CCBE1: variants seen among roughly 807,000 people sequenced by gnomAD.
CCBE1 encodes collagen and calcium binding EGF domains 1.
Under a neutral mutation model 50.0 loss-of-function variants are expected in CCBE1, and 37 were observed. The observed-to-expected ratio is 0.74, with a 90% CI of 0.57 to 0.97. CCBE1 has a LOEUF of 0.97. CCBE1 is among the 50% of genes least tolerant of loss of function. The probability of loss-of-function intolerance (pLI) is 0.00; values close to 1 mark genes in which losing one functional copy is unlikely to be tolerated. For missense variants in CCBE1, 538 were observed against 523.8 expected (o/e 1.03, Z -0.26); for synonymous variants, 234 against 203.7 (o/e 1.15, Z -1.27).
chr18:59,570,680 G>A lies in CCBE1; in HGVS notation c.213-90442C>T, dbSNP rs549351449. 4.3e-4 allele frequency among the ~76,000 whole-genome samples: 66 copies of A among 152,208 alleles called. 1 individual carries two copies. In the South Asian group the frequency reaches 0.013, roughly 30 times the overall value. On this transcript the variant is annotated intron_variant, in intron 2 of 10. Coordinates refer to ENST00000439986, the MANE Select transcript of CCBE1 (RefSeq NM_133459.4). ...AAGTCATCCTTGGAGATGTGCTGGCGGGGGTGGGGCAGGACCTCCCAAGGG... is the reference window on the plus strand; with the variant it reads ...AAGTCATCCTTGGAGATGTGCTGGCAGGGGTGGGGCAGGACCTCCCAAGGG...
At chr18:59,477,951 A>G (rs1193869713) in intron 3 of CCBE1, among the ~76,000 whole-genome samples, 1 of 152,196 alleles carries the variant, frequency 6.6e-6, no homozygotes, top group African/African-American at 2.4e-5. Flanking sequence ...ACATTATTCT[A>G]CGTGCTTCTG....
At chr18:59,486,763 T>C (rs372485159) in intron 2 of CCBE1, among the ~76,000 whole-genome samples, 2 of 152,038 alleles carry the variant, frequency 1.3e-5, no homozygotes, top group African/African-American at 4.8e-5. Context: ...CTTCCATCTT[T>C]CTCCCCAACC....
At chr18:59,576,413 C>T (rs568998908) in intron 2 of CCBE1, among the ~76,000 whole-genome samples, 3 of 152,150 alleles carry the variant, frequency 2.0e-5, no homozygotes, top group Non-Finnish European at 4.4e-5. Context: ...ACTTGACATT[C>T]AGGAAAATAT....
At chr18:59,548,706 C>T (rs1178217927) in intron 2 of CCBE1, among the ~76,000 whole-genome samples, 1 of 151,902 alleles carries the variant, frequency 6.6e-6, no homozygotes, top group South Asian at 2.1e-4. Context: ...AATCCCAGCA[C>T]TTTGGGAGGC....
At chr18:59,610,702 C>G (rs1401486214) in intron 2 of CCBE1, among the ~76,000 whole-genome samples, 1 of 152,214 alleles carries the variant, frequency 6.6e-6, no homozygotes, top group Non-Finnish European at 1.5e-5. Context: ...CCTAAGTGGG[C>G]TCCAGAGTTC....
At chr18:59,467,343 T>G (rs961040180) in intron 4 of CCBE1, among the ~76,000 whole-genome samples, 1 of 152,204 alleles carries the variant, frequency 6.6e-6, no homozygotes, top group South Asian at 2.1e-4. Context: ...CTTTATGGTA[T>G]AGGTTCCAAA....
intron 3 of CCBE1, among the ~76,000 whole-genome samples, chr18:59,479,008 C>T (rs984072063): frequency 1.3e-5 from 2 of 152,194 alleles, no homozygotes; most frequent in Admixed American, 6.5e-5. Context: ...CTGTCCCAAC[C>T]TTCCACAGAA....
chr18:59,477,538 C>CTGTGTGTGTGTGTGTGTGTGTGTG lies in CCBE1; in HGVS notation c.265+2624_265+2647dup, dbSNP rs55840819. 2.0e-5 allele frequency among the ~76,000 whole-genome samples: 3 copies of CTGTGTGTGTGTGTGTGTGTGTGTG among 149,994 alleles called. No homozygotes were observed. In the East Asian group the frequency reaches 5.9e-4, roughly 29 times the overall value. On this transcript the variant is annotated intron_variant, in intron 3 of 10. Coordinates refer to ENST00000439986, the MANE Select transcript of CCBE1 (RefSeq NM_133459.4). ...CTTTCCATGGATTATTTCCATGTCT[C>CTGTGTGTGTGTGTGTGTGTGTGTG]TGTGTGTGTGTGTGTGTGTGTGTGT...
At chr18:59,437,996 G>T in intron 10 of CCBE1, 115 bp downstream of exon 10, 1 of 889,728 alleles carries the variant, frequency 1.1e-6, no homozygotes, top group Non-Finnish European at 1.8e-6. Context: ...GTTCAGGTGG[G>T]CTGAGTGGCA....
chr18:59,535,012 T>C (rs1915193062), intron 2 of CCBE1, among the ~76,000 whole-genome samples: 2 of 152,236 alleles, frequency 1.3e-5, no homozygotes, highest in Admixed American at 6.5e-5. Context: ...TGTTACACGA[T>C]AGCTCCTTCA....
chr18:59,529,161 G>C (rs1598982833), intron 2 of CCBE1, among the ~76,000 whole-genome samples: 1 of 144,310 alleles, frequency 6.9e-6, no homozygotes, highest in African/African-American at 2.6e-5. Flanking sequence ...TAAACCCCTG[G>C]CTGGAGTTGC....
rs775792734 is a variant in CCBE1, at chr18:59,612,835, TGTTTTTG to T, written c.212+83787_212+83793del. Among the ~76,000 whole-genome samples the T allele has an allele frequency of 7.6e-4, 101 of 132,774 alleles. 3 individuals carry two copies. The highest frequency in any genetic ancestry group is 1.6e-3 in the East Asian group (6 of 3,748). 87.1% of individuals were successfully genotyped at this position (132,774 alleles called of 152,430 possible). ...CAAGGGTTTTTTTTTTGTTTTTTTT[TGTTTTTG>T]TTTTTGTTTTTTTTAATGTCTGTTA... On this transcript the variant is annotated intron_variant, in intron 2 of 10. Coordinates refer to ENST00000439986, the MANE Select transcript of CCBE1 (RefSeq NM_133459.4).
chr18:59,669,717 C>G (rs777201249), intron 2 of CCBE1, among the ~76,000 whole-genome samples: 6 of 152,214 alleles, frequency 3.9e-5, no homozygotes, highest in African/African-American at 1.2e-4. Flanking sequence ...TCCCTCACAT[C>G]TCTCCCCGAA....
intron 2 of CCBE1, among the ~76,000 whole-genome samples, chr18:59,490,370 G>A (rs1054425475): frequency 2.0e-5 from 3 of 146,922 alleles, no homozygotes; most frequent in East Asian, 2.1e-4. Context: ...ATGCAGGTGC[G>A]AGACAGGATA....
At chr18:59,619,722 A>G (rs886876660) in intron 2 of CCBE1, among the ~76,000 whole-genome samples, 1 of 152,154 alleles carries the variant, frequency 6.6e-6, no homozygotes, top group Non-Finnish European at 1.5e-5. Context: ...TTTTCTTCCA[A>G]ATCTCATTGG....
intron 2 of CCBE1, among the ~76,000 whole-genome samples, chr18:59,690,642 T>G (rs1181701029): frequency 6.6e-6 from 1 of 152,144 alleles, no homozygotes; most frequent in Admixed American, 6.5e-5. Flanking sequence ...GCAACCAGAG[T>G]AGCAACTGGA....
chr18:59,584,029 T>C (rs1282612286), intron 2 of CCBE1, among the ~76,000 whole-genome samples: 1 of 152,122 alleles, frequency 6.6e-6, no homozygotes, highest in Non-Finnish European at 1.5e-5. Context: ...TAAATCATGC[T>C]GCTATAAAGA....
intron 3 of CCBE1, among the ~76,000 whole-genome samples, chr18:59,478,830 C>G (rs1385848278): frequency 6.6e-6 from 1 of 152,176 alleles, no homozygotes; most frequent in Non-Finnish European, 1.5e-5. Context: ...ATTATTGTGA[C>G]TTTTGTGGGT....
intron 2 of CCBE1, among the ~76,000 whole-genome samples, chr18:59,571,519 C>G (rs1004224379): frequency 6.7e-6 from 1 of 149,128 alleles, no homozygotes; most frequent in Admixed American, 6.8e-5. Flanking sequence ...GGAGATATAT[C>G]TAATGTAAAT....
Sources: gnomAD v4.1 joint callset for allele counts (sites outside exome capture counted in the v4.1 genomes callset) on GRCh38, gnomAD v4.1.1 for gene constraint, MANE v1.5 for transcripts, NCBI Gene and HGNC (gene_info 2026-07-23, HGNC 2026-07-21) for gene names.